Variants in ASIC2 observed in about 807,000 individuals in gnomAD.
The protein encoded by ASIC2 is acid sensing ion channel subunit 2.
Under a neutral mutation model 57.3 loss-of-function variants are expected in ASIC2, and 25 were observed. The observed-to-expected ratio is 0.44, with a 90% CI of 0.32 to 0.61. The LOEUF is 0.61. ASIC2 is among the 20% of genes least tolerant of loss of function. The pLI is 0.06. For synonymous variants in ASIC2, 319 were observed against 307.5 expected (o/e 1.04, Z -0.39); for missense variants, 641 against 738.1 (o/e 0.87, Z 1.52).
intron 1 of ASIC2, among the ~76,000 whole-genome samples, chr17:33,677,035 G>A (rs1003455406): frequency 6.6e-5 from 10 of 152,204 alleles, no homozygotes; most frequent in Non-Finnish European, 1.3e-4. Context: ...TCCACTGTGA[G>A]TGGCATGCTG....
chr17:33,250,163 T>C lies in ASIC2; in HGVS notation c.708+41245A>G, dbSNP rs1219143362. On this transcript the variant is annotated intron_variant, in intron 1 of 9. Transcript: ENST00000225823. ...AAATACTTGCTTCCTAGGAAAGTAA[T>C]ACTATACTGTGTTTAAGCTACCAGG... Among the ~76,000 whole-genome samples, 7 of 152,232 alleles carry C rather than the reference T, an allele frequency of 4.6e-5. No individual in the cohort carries two copies. In the South Asian group the frequency reaches 1.4e-3, roughly 31 times the overall value.
chr17:33,562,100 ACCATC>A (rs1916090410), intron 1 of ASIC2, among the ~76,000 whole-genome samples: 1 of 152,192 alleles, frequency 6.6e-6, no homozygotes, highest in South Asian at 2.1e-4. Context: ...GACATTCAGA[ACCATC>A]CTCCAAGACT....
At chr17:33,971,861 C>T (rs1567774002) in intron 1 of ASIC2, among the ~76,000 whole-genome samples, 1 of 152,232 alleles carries the variant, frequency 6.6e-6, no homozygotes, top group East Asian at 1.9e-4. Context: ...AAATTCTTGG[C>T]CTGTCTTCCT....
chr17:33,868,932 G>A (rs1392043425), intron 1 of ASIC2, among the ~76,000 whole-genome samples: 2 of 152,098 alleles, frequency 1.3e-5, no homozygotes, highest in Non-Finnish European at 2.9e-5. Flanking sequence ...TGGCATGATG[G>A]TGCATGCCTG....
At chr17:34,073,978 GCAGCCAATATACGGCCTT>G (rs1169012311) in intron 1 of ASIC2, among the ~76,000 whole-genome samples, 2 of 152,198 alleles carry the variant, frequency 1.3e-5, no homozygotes, top group Non-Finnish European at 2.9e-5. Context: ...GTCTGCACAT[GCAGCCAATATACGGCCTT>G]CAGTTCCTTC....
intron 1 of ASIC2, among the ~76,000 whole-genome samples, chr17:33,875,095 C>A (rs564391733): frequency 1.3e-5 from 2 of 152,080 alleles, no homozygotes; most frequent in Non-Finnish European, 2.9e-5. Flanking sequence ...TCCAGGAATG[C>A]GGGAATAATG....
intron 1 of ASIC2, among the ~76,000 whole-genome samples, chr17:33,135,150 C>T (rs1056865951): frequency 6.6e-6 from 1 of 152,090 alleles, no homozygotes; most frequent in South Asian, 2.1e-4. Context: ...CCGCTTAGCC[C>T]TGCTGCCCTC....
chr17:33,282,316 G>A (rs1252661344), intron 1 of ASIC2, among the ~76,000 whole-genome samples: 1 of 152,176 alleles, frequency 6.6e-6, no homozygotes, highest in African/African-American at 2.4e-5. Context: ...CTTTCTGGAG[G>A]CTTTAGGGCA....
chr17:33,285,027 C>G (rs927836507), intron 1 of ASIC2, among the ~76,000 whole-genome samples: 1 of 152,196 alleles, frequency 6.6e-6, no homozygotes, highest in African/African-American at 2.4e-5. Flanking sequence ...CTCCAATTGA[C>G]ATCCAATTGA....
chr17:34,111,915 T>C (rs1386351315), intron 1 of ASIC2, among the ~76,000 whole-genome samples: 1 of 152,230 alleles, frequency 6.6e-6, no homozygotes, highest in Non-Finnish European at 1.5e-5. Flanking sequence ...GGGAAAAGCA[T>C]ATCATATATA....
At chr17:33,705,125 A>G (rs1470214134) in intron 1 of ASIC2, among the ~76,000 whole-genome samples, 1 of 152,218 alleles carries the variant, frequency 6.6e-6, no homozygotes, top group Non-Finnish European at 1.5e-5. Flanking sequence ...TAGCCAAAGC[A>G]TGAAATTTTT....
intron 1 of ASIC2, among the ~76,000 whole-genome samples, chr17:33,311,440 G>A (rs1906420519): frequency 6.6e-6 from 1 of 151,828 alleles, no homozygotes; most frequent in Non-Finnish European, 1.5e-5. Flanking sequence ...GTGTGTGTGT[G>A]TGTGTGTGTG....
intron 1 of ASIC2, among the ~76,000 whole-genome samples, chr17:33,250,244 T>C (rs1420297285): frequency 6.6e-6 from 1 of 152,240 alleles, no homozygotes; most frequent in Non-Finnish European, 1.5e-5. Context: ...TTTGAAACTA[T>C]TTGAGTTAGT....
chr17:33,483,949 CAGG>C (rs1432628116), intron 1 of ASIC2, among the ~76,000 whole-genome samples: 6 of 152,012 alleles, frequency 3.9e-5, no homozygotes, highest in Admixed American at 3.9e-4. Flanking sequence ...AAGAGGGAGA[CAGG>C]AGGTCAGAGA....
At chr17:33,477,681 T>G (rs1283411682) in intron 1 of ASIC2, among the ~76,000 whole-genome samples, 2 of 152,202 alleles carry the variant, frequency 1.3e-5, no homozygotes, top group Admixed American at 6.5e-5. Flanking sequence ...ACCACGTCCC[T>G]GCCCTCAAGC....
At chr17:33,415,140 C>G (rs8075637) in intron 1 of ASIC2, among the ~76,000 whole-genome samples, 34,706 of 151,580 alleles carry the variant, frequency 0.23, 4,554 homozygotes, top group East Asian at 0.66. Flanking sequence ...CACTTACCCT[C>G]TCTAAGTTTT....
intron 3 of ASIC2, among the ~76,000 whole-genome samples, chr17:33,036,509 CA>C (rs1358985149): frequency 6.6e-6 from 1 of 152,138 alleles, no homozygotes; most frequent in Non-Finnish European, 1.5e-5. Flanking sequence ...TAGCTCACTG[CA>C]ACCTTGAACT....
At chr17:33,529,570 G>A (rs1914987554) in intron 1 of ASIC2, among the ~76,000 whole-genome samples, 1 of 152,122 alleles carries the variant, frequency 6.6e-6, no homozygotes, top group Non-Finnish European at 1.5e-5. Context: ...GATTGTTTGG[G>A]GTTTTATTTG....
chr17:33,476,504 CATAT>C (rs67811038), intron 1 of ASIC2, among the ~76,000 whole-genome samples: 16,236 of 122,246 alleles, frequency 0.13, 1,021 homozygotes, highest in Non-Finnish European at 0.15. Context: ...TGTGTGTGTG[CATAT>C]ATATATATAT....
Sources: allele counts gnomAD v4.1 joint callset (sites outside exome capture counted in the v4.1 genomes callset), GRCh38; gene constraint gnomAD v4.1.1; transcripts MANE v1.5; gene names NCBI Gene and HGNC (gene_info 2026-07-23, HGNC 2026-07-21).